Variants in DCC observed in about 807,000 individuals in gnomAD.
The protein encoded by DCC is DCC netrin 1 receptor.
In DCC, 58 loss-of-function variants were observed where a neutral mutation model predicts 172.5. That is an observed-to-expected ratio of 0.34 (90% CI 0.27 to 0.42). DCC has a LOEUF of 0.42. DCC is among the 10% of genes least tolerant of loss of function. The pLI, the probability that DCC is intolerant of heterozygous loss-of-function variation, is 1.00. For synonymous variants in DCC, 709 were observed against 644.5 expected, an observed-to-expected ratio of 1.10 and a Z score of -1.52; for missense variants, 1,740 against 1,791.0, an observed-to-expected ratio of 0.97 and a Z score of 0.51.
intron 1 of DCC, among the ~76,000 whole-genome samples, chr18:52,696,396 C>A (rs1156605294): frequency 6.6e-6 from 1 of 152,046 alleles, no homozygotes; most frequent in East Asian, 1.9e-4. Flanking sequence ...GTGATAGAGC[C>A]AAATGGAGTC....
At chr18:52,695,851 C>A (rs550128867) in intron 1 of DCC, among the ~76,000 whole-genome samples, 86 of 152,178 alleles carry the variant, frequency 5.7e-4, no homozygotes, top group Non-Finnish European at 1.0e-3. Flanking sequence ...ATCTGCCCTC[C>A]TTTTTGTGGC....
intron 12 of DCC, among the ~76,000 whole-genome samples, chr18:53,299,209 C>T (rs950239823): frequency 6.6e-6 from 1 of 152,096 alleles, no homozygotes; most frequent in Non-Finnish European, 1.5e-5. Context: ...TCTTTGCAGC[C>T]AGGGACTCTA....
intron 7 of DCC, among the ~76,000 whole-genome samples, chr18:53,120,340 T>C (rs530629259): frequency 2.0e-5 from 3 of 151,910 alleles, no homozygotes; most frequent in Non-Finnish European, 2.9e-5. Context: ...CCTTAGAGAA[T>C]GTTATTTTTA....
In DCC at chr18:53,086,268, CTT is replaced by C. The variant is rs1286554558; in HGVS notation, c.1261+20103_1261+20104del. Among the ~76,000 whole-genome samples, 28 of 43,958 alleles carry C rather than the reference CTT, an allele frequency of 6.4e-4. 11 individuals are homozygous for C. The highest frequency in any genetic ancestry group is 1.0e-3 in the Non-Finnish European group (26 of 24,864). The allele number at this position is 43,958 out of a possible 152,430, so 28.8% of individuals were successfully genotyped here. A position where few individuals can be genotyped will look rare whatever the true frequency, so the allele number is the denominator to read the frequency against. Reference sequence around the variant, plus strand: ...TTCTTCCTTTCTTCTTCTTCTTCTTCTTCTTCCTTTCTTCTTCTTCTTCTTCT... The same window carrying C: ...TTCTTCCTTTCTTCTTCTTCTTCTTCCTTCCTTTCTTCTTCTTCTTCTTCT... On this transcript the variant is annotated intron_variant, in intron 7 of 28. Coordinates refer to ENST00000442544, the MANE Select transcript of DCC (RefSeq NM_005215.4).
rs374819861 is a variant in DCC at position 53,339,923 on chromosome 18, T to A, written c.2359+16T>A. ...GAGAGGTTAGGTGAGTATCTGTGATTTTTTTTATTCTATTAAGGGGAATTA... is the reference window on the plus strand; with the variant it reads ...GAGAGGTTAGGTGAGTATCTGTGATATTTTTTATTCTATTAAGGGGAATTA... On this transcript the variant is annotated intron_variant, in intron 15 of 28. Coordinates refer to ENST00000442544, the MANE Select transcript of DCC (RefSeq NM_005215.4). The A allele has an allele frequency of 8.3e-5, 133 of 1,606,140 alleles. No homozygotes were observed. The highest frequency in any genetic ancestry group is 5.2e-4 in the Admixed American group (31 of 59,802).
chr18:52,662,520 G>A (rs1427895240), intron 1 of DCC, among the ~76,000 whole-genome samples: 1 of 136,932 alleles, frequency 7.3e-6, no homozygotes, highest in Non-Finnish European at 1.6e-5. Context: ...AAGGGAGGGA[G>A]GGTGGGAGGG....
intron 2 of DCC, among the ~76,000 whole-genome samples, chr18:52,843,056 C>CAAATTCAGA (rs2038832187): frequency 6.6e-6 from 1 of 152,052 alleles, no homozygotes; most frequent in Non-Finnish European, 1.5e-5. Context: ...TGTGTAAGGT[C>CAAATTCAGA]AGGATTTGAG....
At chr18:52,405,769 G>T (rs1986623775) in intron 1 of DCC, among the ~76,000 whole-genome samples, 1 of 151,496 alleles carries the variant, frequency 6.6e-6, no homozygotes, top group Non-Finnish European at 1.5e-5. Flanking sequence ...CAGATTCAAT[G>T]CCATCCCCAT....
At chr18:53,402,389 CAA>C (rs201731473) in intron 18 of DCC, among the ~76,000 whole-genome samples, 5 of 133,164 alleles carry the variant, frequency 3.8e-5, no homozygotes, top group African/African-American at 5.3e-5. Flanking sequence ...GACCCTGTCT[CAA>C]AAAAAAAAAA....
chr18:53,089,535 G>A (rs2042972075), intron 7 of DCC, among the ~76,000 whole-genome samples: 1 of 151,714 alleles, frequency 6.6e-6, no homozygotes. Flanking sequence ...TTGGAATAAA[G>A]ATGAATGTAA....
intron 1 of DCC, among the ~76,000 whole-genome samples, chr18:52,671,951 G>A (rs2035561795): frequency 6.6e-6 from 1 of 152,160 alleles, no homozygotes; most frequent in African/African-American, 2.4e-5. Context: ...TAAAAAGCCA[G>A]ATACACTTCT....
At chr18:53,003,016 A>G (rs778182176) in intron 5 of DCC, among the ~76,000 whole-genome samples, 1 of 152,086 alleles carries the variant, frequency 6.6e-6, no homozygotes, top group African/African-American at 2.4e-5. Context: ...TAGGACATAT[A>G]TTTTGTTTTG....
intron 2 of DCC, among the ~76,000 whole-genome samples, chr18:52,861,388 A>C (rs1054246183): frequency 2.0e-5 from 3 of 152,212 alleles, no homozygotes; most frequent in Non-Finnish European, 4.4e-5. Context: ...TTACCAGTCA[A>C]AGCCTTGGTA....
At chr18:52,526,205 G>A (rs189622159) in intron 1 of DCC, among the ~76,000 whole-genome samples, 126 of 152,248 alleles carry the variant, frequency 8.3e-4, no homozygotes, top group Non-Finnish European at 1.5e-3. Flanking sequence ...AAAATTTCTG[G>A]CAGGCCCAGT....
chr18:52,417,956 C>A (rs570232343), intron 1 of DCC, among the ~76,000 whole-genome samples: 4 of 152,156 alleles, frequency 2.6e-5, no homozygotes, highest in Non-Finnish European at 5.9e-5. Context: ...AGGACCATAG[C>A]GCAGCTCTGT....
chr18:52,823,407 G>A (rs1452262461), intron 2 of DCC, among the ~76,000 whole-genome samples: 1 of 152,166 alleles, frequency 6.6e-6, no homozygotes, highest in Non-Finnish European at 1.5e-5. Context: ...AGATATATTA[G>A]AAATACATTT....
chr18:53,246,067 T>C (rs1377172636), intron 12 of DCC, among the ~76,000 whole-genome samples: 1 of 152,046 alleles, frequency 6.6e-6, no homozygotes. Flanking sequence ...TAGTTCTCCC[T>C]GAGACTTGCA....
At chr18:53,305,533 T>A (rs1376464102) in intron 12 of DCC, 45 bp from the exon 13 acceptor site, 1 of 1,538,578 alleles carries the variant, frequency 6.5e-7, no homozygotes. Context: ...TGTCCCATTG[T>A]CCTTTCTTTC....
intron 28 of DCC, among the ~76,000 whole-genome samples, chr18:53,529,351 A>T (rs1055583570): frequency 1.3e-5 from 2 of 152,200 alleles, no homozygotes; most frequent in African/African-American, 4.8e-5. Flanking sequence ...ATCTCTGATC[A>T]TAGTGCTAAG....
Sources: gnomAD v4.1 joint callset for allele counts (sites outside exome capture counted in the v4.1 genomes callset) on GRCh38, gnomAD v4.1.1 for gene constraint, MANE v1.5 for transcripts, NCBI Gene and HGNC (gene_info 2026-07-23, HGNC 2026-07-21) for gene names.